POLR3B: variants seen among roughly 807,000 people sequenced by gnomAD.
The protein encoded by POLR3B is RNA polymerase III subunit B, also known as DNA-directed RNA polymerase III subunit RPC2.
A neutral mutation model predicts 147.4 loss-of-function variants in POLR3B; 96 were observed. The observed-to-expected ratio is 0.65, with a 90% CI of 0.55 to 0.77. The LOEUF (loss-of-function observed/expected upper bound fraction) is 0.77, where lower values mean the gene tolerates loss of function less well. POLR3B is among the 30% of genes least tolerant of loss of function. The probability of loss-of-function intolerance (pLI) is 0.00; values close to 1 mark genes in which losing one functional copy is unlikely to be tolerated. For synonymous variants in POLR3B, 461 were observed against 485.9 expected, an observed-to-expected ratio of 0.95 and a Z score of 0.67; for missense variants, 1,036 against 1,413.5, an observed-to-expected ratio of 0.73 and a Z score of 4.28.
At position 106,467,999 on chromosome 12, in the gene POLR3B, A is replaced by G. The variant is rs1167064218; in HGVS notation, c.2713+4379A>G. 4.9e-4 allele frequency among the ~76,000 whole-genome samples: 74 copies of G among 151,972 alleles called. 1 individual carries two copies. Among genetic ancestry groups the G allele is most frequent in the Admixed American group, 4.7e-3 (72 of 15,254 alleles). ...GTTAGGGAGGATTCCCTGTTTTTCT[A>G]TTGATTGGAATAGTTTCAGAAGGAA... On this transcript the variant is annotated intron_variant, in intron 23 of 27. Coordinates refer to ENST00000228347, the MANE Select transcript of POLR3B (RefSeq NM_018082.6).
At chr12:106,364,041 T>G in intron 2 of POLR3B, 139 bp downstream of exon 2, 1 of 684,086 alleles carries the variant, frequency 1.5e-6, no homozygotes, top group Non-Finnish European at 2.5e-6. Context: ...CAAGGAATTA[T>G]AAGGTAAAAT....
intron 23 of POLR3B, among the ~76,000 whole-genome samples, chr12:106,479,823 TC>T (rs2038241756): frequency 6.6e-6 from 1 of 151,286 alleles, no homozygotes; most frequent in Admixed American, 6.6e-5. Flanking sequence ...TCTTTTCTTT[TC>T]TTTTCACAGT....
chr12:106,406,357 A>G (rs531865350), intron 11 of POLR3B, among the ~76,000 whole-genome samples: 12 of 152,338 alleles, frequency 7.9e-5, no homozygotes, highest in Non-Finnish European at 1.3e-4. Context: ...TTTTTATTGT[A>G]TGGTAAAATT....
chr12:106,374,479 G>GC (rs2136894727), intron 6 of POLR3B, among the ~76,000 whole-genome samples: 1 of 151,784 alleles, frequency 6.6e-6, no homozygotes, highest in African/African-American at 2.4e-5. Flanking sequence ...GCCTCCCAAA[G>GC]CATTGAGAAT....
chr12:106,393,431 T>C (rs998108823), intron 10 of POLR3B, among the ~76,000 whole-genome samples: 1 of 152,014 alleles, frequency 6.6e-6, no homozygotes, highest in Non-Finnish European at 1.5e-5. Flanking sequence ...TGTTTTTTTT[T>C]CCTTATTTGC....
intron 12 of POLR3B, among the ~76,000 whole-genome samples, chr12:106,415,520 C>T (rs1400474804): frequency 2.6e-5 from 4 of 152,146 alleles, no homozygotes; most frequent in Admixed American, 2.0e-4. Flanking sequence ...AAAGCACTAG[C>T]ATGCTCCTAA....
chr12:106,431,078 A>G (rs1354655462), intron 14 of POLR3B, among the ~76,000 whole-genome samples: 1 of 152,176 alleles, frequency 6.6e-6, no homozygotes, highest in Non-Finnish European at 1.5e-5. Context: ...TGGAGGAAGG[A>G]AGGTTCACCA....
chr12:106,430,750 T>G (rs1450309471), intron 14 of POLR3B, among the ~76,000 whole-genome samples: 1 of 152,134 alleles, frequency 6.6e-6, no homozygotes, highest in Admixed American at 6.6e-5. Context: ...AATCAAAACA[T>G]GCACAGAGGG....
chr12:106,435,509 C>T (rs1220549399), intron 16 of POLR3B, among the ~76,000 whole-genome samples: 1 of 151,782 alleles, frequency 6.6e-6, no homozygotes, highest in African/African-American at 2.4e-5. Context: ...ATTGGTTTCT[C>T]TTCTTTGCAA....
intron 24 of POLR3B, chr12:106,496,526 C>A: frequency 1.6e-6 from 1 of 606,084 alleles, no homozygotes; most frequent in Non-Finnish European, 2.9e-6. Context: ...GCTTATCCTT[C>A]CCATACTTCA....
rs1434973715 is a variant in POLR3B, at chr12:106,369,356, T to C, written c.303+6T>C. The C allele has an allele frequency of 6.7e-7, 1 of 1,489,184 alleles. No homozygotes were observed. The highest frequency in any genetic ancestry group is 9.4e-7 in the Non-Finnish European group (1 of 1,065,806). The allele number at this position is 1,489,184 out of a possible 1,614,324, so 92.2% of individuals were successfully genotyped here. On this transcript the variant is annotated splice_donor_region_variant and intron_variant, in intron 5 of 27. Coordinates refer to ENST00000228347, the MANE Select transcript of POLR3B (RefSeq NM_018082.6). ...GACCAGTGTCCCCTCATGAGGTAAT[T>C]ATGAACCTTACTTTAATTGGACTTG...
chr12:106,416,804 C>T (rs1452284484), intron 12 of POLR3B, among the ~76,000 whole-genome samples: 1 of 152,160 alleles, frequency 6.6e-6, no homozygotes, highest in African/African-American at 2.4e-5. Flanking sequence ...TCGTGCCCCT[C>T]TGTGCCTTTC....
chr12:106,399,691 G>T lies in POLR3B; in HGVS notation c.847-6166G>T, dbSNP rs201945879. On this transcript the variant is annotated intron_variant, in intron 10 of 27. Coordinates refer to ENST00000228347, the MANE Select transcript of POLR3B (RefSeq NM_018082.6). ...CAATATTCAACATTCTCAAAGAAAA[G>T]AATTTTCAACCCAGAATTTCATATC... is the stretch of plus-strand genomic sequence containing the variant. Among the ~76,000 whole-genome samples, 10 of 152,272 alleles carry T rather than the reference G, an allele frequency of 6.6e-5. No homozygotes were observed. The East Asian group carries it at 1.5e-3, about 24-fold the overall frequency.
intron 10 of POLR3B, among the ~76,000 whole-genome samples, chr12:106,397,410 C>G (rs2036993829): frequency 6.6e-6 from 1 of 152,156 alleles, no homozygotes; most frequent in South Asian, 2.1e-4. Flanking sequence ...CCTTCCTAGT[C>G]AATCTTTACC....
intron 9 of POLR3B, among the ~76,000 whole-genome samples, chr12:106,380,519 G>A (rs1256565179): frequency 6.6e-6 from 1 of 152,078 alleles, no homozygotes. Flanking sequence ...GGAGGCAAAG[G>A]TTGCAGTGAG....
intron 10 of POLR3B, among the ~76,000 whole-genome samples, chr12:106,395,573 A>G (rs1035551627): frequency 9.9e-5 from 15 of 152,160 alleles, no homozygotes; most frequent in Non-Finnish European, 2.2e-4. Flanking sequence ...GGGCACTACA[A>G]TTTGACGTGA....
chr12:106,462,355 C>T (rs980506020), intron 22 of POLR3B, among the ~76,000 whole-genome samples: 4 of 152,300 alleles, frequency 2.6e-5, no homozygotes, highest in African/African-American at 7.2e-5. Flanking sequence ...TCAAGCGATT[C>T]TCTTGCCTTA....
chr12:106,466,138 C>A (rs895983677), intron 23 of POLR3B, among the ~76,000 whole-genome samples: 2 of 152,096 alleles, frequency 1.3e-5, no homozygotes, highest in Non-Finnish European at 2.9e-5. Context: ...TTTTAATGAT[C>A]GCCATTCTAA....
rs548046353 is a variant in POLR3B, at chr12:106,443,782, A to G, written c.1956-681A>G. On this transcript the variant is annotated intron_variant, in intron 18 of 27. Coordinates refer to ENST00000228347, the MANE Select transcript of POLR3B (RefSeq NM_018082.6). ...GTGATCCACCTGCCTCGGCCTCCCAAACTGCTGGGATTATAGGCGTGAGCC... is the reference window on the plus strand; with the variant it reads ...GTGATCCACCTGCCTCGGCCTCCCAGACTGCTGGGATTATAGGCGTGAGCC... 9.9e-5 allele frequency among the ~76,000 whole-genome samples: 15 copies of G among 151,736 alleles called. No homozygotes were observed. In the South Asian group the frequency reaches 3.1e-3, roughly 32 times the overall value.
Sources: gnomAD v4.1 joint callset for allele counts (sites outside exome capture counted in the v4.1 genomes callset) on GRCh38, gnomAD v4.1.1 for gene constraint, MANE v1.5 for transcripts, NCBI Gene and HGNC (gene_info 2026-07-23, HGNC 2026-07-21) for gene names.